Variants in CIBAR1 observed in about 807,000 individuals in gnomAD.
The protein encoded by CIBAR1 is CBY1-interacting BAR domain-containing protein 1.
A neutral mutation model predicts 44.0 loss-of-function variants in CIBAR1; 25 were observed. The observed-to-expected ratio is 0.57, with a 90% CI of 0.41 to 0.79. The LOEUF is 0.79. Among genes scored for constraint, CIBAR1 ranks in the 30% least tolerant of loss-of-function variants. The pLI is 0.00. For synonymous variants in CIBAR1, 115 were observed against 119.0 expected (o/e 0.97, Z 0.22); for missense variants, 278 against 344.8 (o/e 0.81, Z 1.53).
intron 6 of CIBAR1, among the ~76,000 whole-genome samples, chr8:93,710,421 T>G (rs985609373): frequency 1.3e-5 from 2 of 152,166 alleles, no homozygotes; most frequent in Non-Finnish European, 2.9e-5. Flanking sequence ...ATATTCAGCT[T>G]TTTATCACAA....
intron 6 of CIBAR1, among the ~76,000 whole-genome samples, chr8:93,716,838 A>C (rs1330670343): frequency 6.6e-6 from 1 of 152,222 alleles, no homozygotes; most frequent in Admixed American, 6.5e-5. Context: ...ATATAACTTT[A>C]ATTTTCAAAT....
chr8:93,719,588 A>T (rs939418608), intron 7 of CIBAR1: 6 of 152,238 alleles, frequency 3.9e-5, no homozygotes, highest in African/African-American at 7.2e-5. Flanking sequence ...AGTAAATAGC[A>T]GAATCAGGAT....
At chr8:93,712,806 G>GC (rs1404205681) in intron 6 of CIBAR1, among the ~76,000 whole-genome samples, 3 of 90,122 alleles carry the variant, frequency 3.3e-5, no homozygotes, top group Middle Eastern at 5.1e-3. Flanking sequence ...CCATGATGAT[G>GC]CTTTTTTTTT....
At chr8:93,718,639 A>C in intron 6 of CIBAR1, 36 bp from the exon 7 acceptor site, 1 of 1,213,714 alleles carries the variant, frequency 8.2e-7, no homozygotes, top group Non-Finnish European at 1.2e-6. Context: ...AGAAATTTAA[A>C]TCATTGTTTA....
chr8:93,703,135 C>T (rs1810430260), intron 2 of CIBAR1, among the ~76,000 whole-genome samples: 1 of 152,212 alleles, frequency 6.6e-6, no homozygotes, highest in South Asian at 2.1e-4. Context: ...TCACAAATGG[C>T]TTCTCAGAAA....
rs1811682599 is a variant in CIBAR1, at chr8:93,729,067, A to C, written c.*770A>C. Reference sequence around the variant, plus strand: ...AATAAAAGGGTATACAGTCACTTTTATTTCTGAAAATATAAAACATTGAGC... The same window carrying C: ...AATAAAAGGGTATACAGTCACTTTTCTTTCTGAAAATATAAAACATTGAGC... On this transcript the variant is annotated 3_prime_UTR_variant, in exon 9 of 9. Coordinates refer to ENST00000518322, the MANE Select transcript of CIBAR1 (RefSeq NM_145269.5). The C allele has an allele frequency of 6.6e-6, 1 of 152,108 alleles. No homozygotes were observed. Among genetic ancestry groups the C allele is most frequent in the South Asian group, 2.1e-4 (1 of 4,834 alleles). The allele number at this position is 152,108 out of a possible 1,614,324, so 9.4% of individuals were successfully genotyped here.
At chr8:93,727,076 G>C in intron 8 of CIBAR1, 1 of 599,254 alleles carries the variant, frequency 1.7e-6, no homozygotes, top group Non-Finnish European at 2.8e-6. Context: ...CAACTGTTAA[G>C]TAACACATAA....
At chr8:93,715,191 C>G (rs1237658663) in intron 6 of CIBAR1, among the ~76,000 whole-genome samples, 1 of 152,032 alleles carries the variant, frequency 6.6e-6, no homozygotes, top group Non-Finnish European at 1.5e-5. Flanking sequence ...ACTTAGTGTA[C>G]AAAATGAGAG....
intron 8 of CIBAR1, chr8:93,727,263 T>C (rs1286136869): frequency 1.8e-6 from 2 of 1,117,332 alleles, no homozygotes; most frequent in Non-Finnish European, 2.4e-6. Flanking sequence ...GATACCATAC[T>C]TTCTATTTTC....
rs759670572 is a variant in CIBAR1 at position 93,718,701 on chromosome 8, C to T, written c.570C>T (p.Ile190=). 10 of 1,554,158 alleles carry T rather than the reference C, an allele frequency of 6.4e-6. No individual in the cohort carries two copies. Among genetic ancestry groups the T allele is most frequent in the Admixed American group, 1.9e-5 (1 of 52,618 alleles). ...IKTIFSEFIT[I]EMLFHGKALE... ...CTATATTTTCTGAATTTATCACAAT[C>T]GAAATGTTATTTCACGGCAAAGCTT... Residue 190 remains isoleucine, a synonymous_variant, in exon 7 of 9, where the codon ATC becomes ATT. Coordinates refer to ENST00000518322, the MANE Select transcript of CIBAR1 (RefSeq NM_145269.5).
chr8:93,715,138 T>C (rs1810991772), intron 6 of CIBAR1, among the ~76,000 whole-genome samples: 1 of 152,320 alleles, frequency 6.6e-6, no homozygotes, highest in Non-Finnish European at 1.5e-5. Flanking sequence ...AGACTTTTCA[T>C]AGGAACTTTG....
At chr8:93,723,782 G>A (rs963131446) in intron 7 of CIBAR1, among the ~76,000 whole-genome samples, 1 of 152,126 alleles carries the variant, frequency 6.6e-6, no homozygotes, top group East Asian at 1.9e-4. Flanking sequence ...GACAACAGGG[G>A]AATGCAGAAG....
chr8:93,701,139 C>T (rs915742750), intron 1 of CIBAR1, 85 bp from the exon 2 acceptor site: 1 of 1,524,020 alleles, frequency 6.6e-7, no homozygotes, highest in African/African-American at 1.4e-5. Flanking sequence ...GCAGAATGCC[C>T]GGGGAATGTT....
rs985926105 is a variant in CIBAR1 at position 93,730,920 on chromosome 8, G to GGA, written c.*2626_*2627dup. On this transcript the variant is annotated 3_prime_UTR_variant, in exon 9 of 9. Transcript: ENST00000518322. ...ACACCTGTAATCCCAACACATTCTG[G>GGA]GAGACCAAGGAGTGAGGATTGCTTG... The GGA allele has an allele frequency of 5.3e-5, 8 of 152,146 alleles. No homozygotes were observed. The highest frequency in any genetic ancestry group is 2.0e-4 in the Admixed American group (3 of 15,276). The allele number at this position is 152,146 out of a possible 1,614,324, so 9.4% of individuals were successfully genotyped here.
intron 8 of CIBAR1, among the ~76,000 whole-genome samples, chr8:93,727,823 T>C (rs1488726054): frequency 6.6e-6 from 1 of 152,226 alleles, no homozygotes. Context: ...TACATCAGTA[T>C]TTCTGTCCCA....
chr8:93,704,165 C>T (rs1810484071), intron 3 of CIBAR1, among the ~76,000 whole-genome samples: 1 of 151,720 alleles, frequency 6.6e-6, no homozygotes, highest in African/African-American at 2.4e-5. Flanking sequence ...TTTTAATGAG[C>T]TTATTAAGTA....
rs1016445895 is a variant in CIBAR1 at position 93,730,321 on chromosome 8, T to C, written c.*2024T>C. The C allele has an allele frequency of 3.3e-5, 5 of 152,236 alleles. No homozygotes were observed. The highest frequency in any genetic ancestry group is 1.2e-4 in the African/African-American group (5 of 41,470). The allele number at this position is 152,236 out of a possible 1,614,324, so 9.4% of individuals were successfully genotyped here. A position where few individuals can be genotyped will look rare whatever the true frequency, so the allele number is the denominator to read the frequency against. ...CTTAACAGTGATCTCAGTAAATTAA[T>C]AGAAATGCACTCCTAACATGATTTT... On this transcript the variant is annotated 3_prime_UTR_variant, in exon 9 of 9. Transcript: ENST00000518322.
chr8:93,725,004 G>T (rs968677959), intron 7 of CIBAR1, among the ~76,000 whole-genome samples: 2 of 152,094 alleles, frequency 1.3e-5, no homozygotes, highest in Non-Finnish European at 2.9e-5. Flanking sequence ...TTGAGACAGG[G>T]TCTCACTCTA....
chr8:93,707,655 T>C (rs1364496423), intron 4 of CIBAR1, among the ~76,000 whole-genome samples: 1 of 152,174 alleles, frequency 6.6e-6, no homozygotes, highest in Non-Finnish European at 1.5e-5. Context: ...TCTTTGAATT[T>C]CCTGTGATGA....
Sources: gnomAD v4.1 joint callset for allele counts (sites outside exome capture counted in the v4.1 genomes callset) on GRCh38, gnomAD v4.1.1 for gene constraint, MANE v1.5 for transcripts, NCBI Gene and HGNC (gene_info 2026-07-23, HGNC 2026-07-21) for gene names.